The following NKAIN1 variants were observed in gnomAD, a reference collection of about 807,000 sequenced individuals.
The protein encoded by NKAIN1 is sodium/potassium-transporting ATPase subunit beta-1-interacting protein 1.
NKAIN1 carries 13 observed loss-of-function variants against 31.6 expected under a neutral mutation model. The observed-to-expected ratio is 0.41, with a 90% CI of 0.27 to 0.65. The LOEUF is 0.65. Among genes scored for constraint, NKAIN1 ranks in the 30% least tolerant of loss-of-function variants. The pLI is 0.30. For missense variants in NKAIN1, 193 were observed against 262.2 expected, an observed-to-expected ratio of 0.74 and a Z score of 1.82; for synonymous variants, 104 against 109.0, an observed-to-expected ratio of 0.95 and a Z score of 0.28.
At chr1:31,213,688 T>TG (rs1645487907) in intron 1 of NKAIN1, among the ~76,000 whole-genome samples, 2 of 152,132 alleles carry the variant, frequency 1.3e-5, no homozygotes, top group African/African-American at 4.8e-5. Context: ...CATCATCTGA[T>TG]GGATGGATAA....
chr1:31,185,346 G>C lies in NKAIN1; in HGVS notation c.193-19C>G, dbSNP rs1645234230. On this transcript the variant is annotated intron_variant, in intron 2 of 6. Transcript: ENST00000373736. ...CTGCATACTGGGGAAAGCAGAGGTG[G>C]GATCAGGGTGGGGCCTGGGGAGTGG... 4 of 1,592,202 alleles carry C rather than the reference G, an allele frequency of 2.5e-6. No individual in the cohort carries two copies. The highest frequency in any genetic ancestry group is 2.6e-6 in the Non-Finnish European group (3 of 1,167,540).
At chr1:31,225,867 C>T (rs1645600228) in intron 1 of NKAIN1, among the ~76,000 whole-genome samples, 1 of 152,180 alleles carries the variant, frequency 6.6e-6, no homozygotes, top group Admixed American at 6.5e-5. Context: ...GTGGGAGAAA[C>T]TCACATTTCG....
intron 5 of NKAIN1, 99 bp from the exon 6 acceptor site, chr1:31,182,040 C>T (rs1645205939): frequency 8.2e-7 from 1 of 1,212,596 alleles, no homozygotes; most frequent in African/African-American, 1.5e-5. Context: ...GGACTCCCAC[C>T]CTAGGAAGCG....
At chr1:31,217,024 C>A (rs992365014) in intron 1 of NKAIN1, among the ~76,000 whole-genome samples, 30 of 152,296 alleles carry the variant, frequency 2.0e-4, no homozygotes, top group African/African-American at 7.2e-4. Flanking sequence ...TGCCACCACG[C>A]CCAGGTAATT....
intron 1 of NKAIN1, among the ~76,000 whole-genome samples, chr1:31,232,410 TATATATATATATATA>T (rs1557664406): frequency 0.033 from 1,082 of 33,208 alleles, 150 homozygotes; most frequent in African/African-American, 0.087. Context: ...TATATATATA[TATATATATATATATA>T]GAGAGAGAGA....
At chr1:31,184,945 C>T (rs1182794255) in intron 3 of NKAIN1, among the ~76,000 whole-genome samples, 1 of 152,160 alleles carries the variant, frequency 6.6e-6, no homozygotes, top group East Asian at 1.9e-4. Flanking sequence ...ATTAGCGGGG[C>T]CTAAGAGTAG....
chr1:31,193,059 A>T (rs1557651415), intron 1 of NKAIN1, among the ~76,000 whole-genome samples: 1 of 104,352 alleles, frequency 9.6e-6, no homozygotes, highest in East Asian at 2.5e-4. Flanking sequence ...TTATTTTATT[A>T]TTTATTTTTT....
At chr1:31,235,789 C>A (rs1387712768) in intron 1 of NKAIN1, among the ~76,000 whole-genome samples, 2 of 152,114 alleles carry the variant, frequency 1.3e-5, no homozygotes, top group African/African-American at 4.8e-5. Flanking sequence ...AAGAGACTTG[C>A]CCCAAATTGC....
intron 1 of NKAIN1, among the ~76,000 whole-genome samples, chr1:31,235,642 TAAAC>T (rs971575036): frequency 6.6e-6 from 1 of 151,924 alleles, no homozygotes; most frequent in Admixed American, 6.6e-5. Flanking sequence ...CTCTAAAAAA[TAAAC>T]AATAAATAAA....
intron 1 of NKAIN1, among the ~76,000 whole-genome samples, chr1:31,191,799 AAG>A (rs1645287908): frequency 6.6e-6 from 1 of 152,092 alleles, no homozygotes; most frequent in African/African-American, 2.4e-5. Flanking sequence ...TATTTTGAGA[AAG>A]AGTCTTGCAC....
chr1:31,188,825 C>T lies in NKAIN1; in HGVS notation c.55-638G>A, dbSNP rs186768819. Among the ~76,000 whole-genome samples, 16 of 152,166 alleles carry T rather than the reference C, an allele frequency of 1.1e-4. No homozygotes were observed. In the East Asian group the frequency reaches 3.1e-3, roughly 29 times the overall value. On this transcript the variant is annotated intron_variant, in intron 1 of 6. Transcript: ENST00000373736. ...GAAAAATGCATGCATCCAGTCTGGG[C>T]AACCTGGTGAAACCCCGTCTCAACA...
chr1:31,190,305 C>G (rs1645275563), intron 1 of NKAIN1, among the ~76,000 whole-genome samples: 2 of 152,178 alleles, frequency 1.3e-5, no homozygotes, highest in Non-Finnish European at 2.9e-5. Flanking sequence ...CATTTACCCA[C>G]TTGGCACCAG....
Position 31,224,378 on chromosome 1 carries a change from G to A in NKAIN1, c.54+15116C>T, listed in dbSNP as rs545219054. Reference sequence around the variant, plus strand: ...GCCAGTGTCCGCCCCACAAATGCTGGGGCATGCAGCAGTGTGCAGTTTCGA... The same window carrying A: ...GCCAGTGTCCGCCCCACAAATGCTGAGGCATGCAGCAGTGTGCAGTTTCGA... On this transcript the variant is annotated intron_variant, in intron 1 of 6. Transcript: ENST00000373736. 3.3e-5 allele frequency among the ~76,000 whole-genome samples: 5 copies of A among 152,312 alleles called. No individual in the cohort carries two copies. The South Asian group carries it at 1.0e-3, about 32-fold the overall frequency.
rs754860679 is a variant in NKAIN1, at chr1:31,197,545, C to CTTTTTTTTTTT, written c.55-9369_55-9359dup. ...ACAGGCATGAGCCACCGTGCCCGGCCTTTTTTTTTTTTTTTCCCTGAGATG... is the reference window on the plus strand; with the variant it reads ...ACAGGCATGAGCCACCGTGCCCGGCCTTTTTTTTTTTTTTTTTTTTTTTTTTCCCTGAGATG... On this transcript the variant is annotated intron_variant, in intron 1 of 6. Transcript: ENST00000373736. Among the ~76,000 whole-genome samples the CTTTTTTTTTTT allele has an allele frequency of 6.9e-4, 77 of 111,396 alleles. 3 individuals are homozygous for CTTTTTTTTTTT. The highest frequency in any genetic ancestry group is 1.0e-3 in the Admixed American group (10 of 9,652). The allele number at this position is 111,396 out of a possible 152,430, so 73.1% of individuals were successfully genotyped here. A position where few individuals can be genotyped will look rare whatever the true frequency, so the allele number is the denominator to read the frequency against.
rs192912278 is a variant in NKAIN1 at position 31,237,424 on chromosome 1, G to A, written c.54+2070C>T. ...CTCTCCAAAGCTAACCGTTATTATC[G>A]CCAACAGAGAATGAGCATGGGACAA... On this transcript the variant is annotated intron_variant, in intron 1 of 6. Coordinates refer to ENST00000373736, the MANE Select transcript of NKAIN1 (RefSeq NM_024522.3). Among the ~76,000 whole-genome samples, 9 of 152,178 alleles carry A rather than the reference G, an allele frequency of 5.9e-5. No homozygotes were observed. In the East Asian group the frequency reaches 1.7e-3, roughly 29 times the overall value.
chr1:31,184,049 G>A (rs1645223993), intron 3 of NKAIN1, 35 bp from the exon 4 acceptor site: 1 of 1,581,708 alleles, frequency 6.3e-7, no homozygotes, highest in Non-Finnish European at 8.7e-7. Flanking sequence ...CTGAGTGTGA[G>A]GGAGAGGGAG....
At chr1:31,201,890 A>G (rs914312221) in intron 1 of NKAIN1, among the ~76,000 whole-genome samples, 4 of 152,058 alleles carry the variant, frequency 2.6e-5, no homozygotes, top group Non-Finnish European at 4.4e-5. Flanking sequence ...TCCACCCTGG[A>G]GGGGTAATCT....
intron 1 of NKAIN1, among the ~76,000 whole-genome samples, chr1:31,194,355 T>TTTC (rs1557651853): frequency 6.7e-6 from 1 of 149,396 alleles, no homozygotes; most frequent in Non-Finnish European, 1.5e-5. Flanking sequence ...TTCTTTTTCC[T>TTTC]TTTTCTTTCC....
At chr1:31,203,578 C>G (rs1414850249) in intron 1 of NKAIN1, among the ~76,000 whole-genome samples, 1 of 139,952 alleles carries the variant, frequency 7.1e-6, no homozygotes, top group Non-Finnish European at 1.5e-5. Flanking sequence ...GTTTTTACAT[C>G]GAGGAGTAAT....
Sources: allele counts gnomAD v4.1 joint callset (sites outside exome capture counted in the v4.1 genomes callset), GRCh38; gene constraint gnomAD v4.1.1; transcripts MANE v1.5; gene names NCBI Gene and HGNC (gene_info 2026-07-23, HGNC 2026-07-21).